The following GRIN2B variants were observed in gnomAD, a reference collection of about 807,000 sequenced individuals.
GRIN2B encodes glutamate ionotropic receptor NMDA type subunit 2B, also known as glutamate receptor ionotropic, NMDA 2B.
Under a neutral mutation model 114.5 loss-of-function variants are expected in GRIN2B, and 5 were observed. The ratio of observed to expected loss-of-function variants is 0.04; its 90% confidence interval spans 0.02 to 0.09. The LOEUF (loss-of-function observed/expected upper bound fraction) is 0.09, where lower values mean the gene tolerates loss of function less well. Ranked by LOEUF, GRIN2B falls within the 10% of genes least tolerant of loss-of-function variation. The pLI is 1.00. For missense variants in GRIN2B, 1,108 were observed against 1,943.5 expected (o/e 0.57, Z 8.08); for synonymous variants, 787 against 745.1 (o/e 1.06, Z -0.92).
chr12:13,757,543 C>T (rs942841261), intron 3 of GRIN2B, among the ~76,000 whole-genome samples: 1 of 152,054 alleles, frequency 6.6e-6, no homozygotes, highest in Non-Finnish European at 1.5e-5. Flanking sequence ...CTATGCTTCC[C>T]CACTTACATT....
intron 2 of GRIN2B, among the ~76,000 whole-genome samples, chr12:13,873,478 T>C (rs1200339591): frequency 1.3e-5 from 2 of 152,230 alleles, no homozygotes; most frequent in African/African-American, 4.8e-5. Context: ...TCCAAGTCTG[T>C]AGAAATAACA....
intron 3 of GRIN2B, among the ~76,000 whole-genome samples, chr12:13,782,475 C>T (rs1591727478): frequency 6.6e-6 from 1 of 152,278 alleles, no homozygotes; most frequent in East Asian, 1.9e-4. Context: ...TACTTTTGCT[C>T]TTCTCAAGGG....
At chr12:13,605,493 T>C (rs1208658991) in intron 10 of GRIN2B, among the ~76,000 whole-genome samples, 1 of 147,896 alleles carries the variant, frequency 6.8e-6, no homozygotes, top group African/African-American at 2.6e-5. Flanking sequence ...GGGGTCACAG[T>C]GGAAATTATT....
At chr12:13,703,570 C>A (rs995688070) in intron 4 of GRIN2B, among the ~76,000 whole-genome samples, 8 of 152,070 alleles carry the variant, frequency 5.3e-5, no homozygotes, top group African/African-American at 1.9e-4. Flanking sequence ...TCATTCAATA[C>A]TTTAATCTCT....
intron 3 of GRIN2B, among the ~76,000 whole-genome samples, chr12:13,759,452 C>T (rs1405031344): frequency 6.6e-6 from 1 of 152,180 alleles, no homozygotes; most frequent in African/African-American, 2.4e-5. Flanking sequence ...GCTATAGTCA[C>T]TTATTTACAT....
intron 3 of GRIN2B, among the ~76,000 whole-genome samples, chr12:13,819,124 T>C (rs1291734969): frequency 3.3e-5 from 5 of 152,150 alleles, no homozygotes; most frequent in African/African-American, 7.2e-5. Flanking sequence ...CAAGTGTCTT[T>C]ATAAAAAGAG....
At chr12:13,735,962 T>G in intron 4 of GRIN2B, among the ~76,000 whole-genome samples, 1 of 151,654 alleles carries the variant, frequency 6.6e-6, no homozygotes, top group Non-Finnish European at 1.5e-5. Context: ...CTGACAGACA[T>G]AGCATGTGTG....
At chr12:13,610,923 G>A (rs145079435) in intron 9 of GRIN2B, among the ~76,000 whole-genome samples, 2 of 152,314 alleles carry the variant, frequency 1.3e-5, no homozygotes, top group East Asian at 3.9e-4. Flanking sequence ...CCTCTTGGAG[G>A]TTTAATTCTA....
At chr12:13,788,081 A>T (rs1864248942) in intron 3 of GRIN2B, among the ~76,000 whole-genome samples, 2 of 152,344 alleles carry the variant, frequency 1.3e-5, no homozygotes, top group South Asian at 4.1e-4. Flanking sequence ...AAGAGGAAGG[A>T]AGGATAAAAT....
chr12:13,645,919 G>T (rs1469875644), intron 5 of GRIN2B, among the ~76,000 whole-genome samples: 1 of 152,040 alleles, frequency 6.6e-6, no homozygotes, highest in East Asian at 1.9e-4. Flanking sequence ...GTGGAATCTG[G>T]GGAAGAGTAA....
intron 3 of GRIN2B, among the ~76,000 whole-genome samples, chr12:13,833,770 G>A (rs1266703277): frequency 2.0e-5 from 3 of 152,094 alleles, no homozygotes; most frequent in Non-Finnish European, 4.4e-5. Flanking sequence ...AGGCCCCAGA[G>A]CATAAGGGAC....
chr12:13,806,939 A>G (rs887718111), intron 3 of GRIN2B, among the ~76,000 whole-genome samples: 3 of 152,022 alleles, frequency 2.0e-5, no homozygotes, highest in African/African-American at 7.2e-5. Context: ...TTCTAATTTG[A>G]GTAATATAGT....
intron 3 of GRIN2B, among the ~76,000 whole-genome samples, chr12:13,759,279 G>C (rs536303999): frequency 1.3e-5 from 2 of 151,958 alleles, no homozygotes; most frequent in South Asian, 4.2e-4. Flanking sequence ...AAAGTGCTGC[G>C]ATTACAGGCA....
rs534152421 is a variant in GRIN2B, at chr12:13,561,925, C to T, written c.*858G>A. On this transcript the variant is annotated 3_prime_UTR_variant, in exon 14 of 14. Transcript: ENST00000609686. ...AAATTCAGGTAATACATGGCCATCT[C>T]TGTCTGTATATAAGCCAAACAATCA... 17 of 152,768 alleles carry T rather than the reference C, an allele frequency of 1.1e-4. No individual in the cohort carries two copies. The highest frequency in any genetic ancestry group is 3.8e-4 in the African/African-American group (16 of 41,578). 9.5% of individuals were successfully genotyped at this position (152,768 alleles called of 1,614,324 possible).
At chr12:13,955,620 T>G (rs1294861281) in intron 2 of GRIN2B, among the ~76,000 whole-genome samples, 1 of 152,082 alleles carries the variant, frequency 6.6e-6, no homozygotes, top group Non-Finnish European at 1.5e-5. Flanking sequence ...TCCAAATAAT[T>G]TTGAGATGAA....
At chr12:13,807,715 T>A (rs1192605098) in intron 3 of GRIN2B, among the ~76,000 whole-genome samples, 1 of 45,440 alleles carries the variant, frequency 2.2e-5, no homozygotes, top group East Asian at 6.1e-4. Flanking sequence ...AAGGCTTTTT[T>A]TTTTTTTTTT....
chr12:13,814,982 T>C (rs1324322344), intron 3 of GRIN2B, among the ~76,000 whole-genome samples: 2 of 152,202 alleles, frequency 1.3e-5, no homozygotes, highest in Non-Finnish European at 2.9e-5. Context: ...TAAACGTTGA[T>C]CTCATTTTTC....
intron 2 of GRIN2B, among the ~76,000 whole-genome samples, chr12:13,884,281 T>C (rs906667620): frequency 2.0e-5 from 3 of 152,186 alleles, no homozygotes; most frequent in African/African-American, 7.2e-5. Flanking sequence ...TACTGGGAGT[T>C]TGACTGTGTT....
At chr12:13,694,759 A>G (rs950309753) in intron 4 of GRIN2B, among the ~76,000 whole-genome samples, 5 of 145,190 alleles carry the variant, frequency 3.4e-5, no homozygotes, top group African/African-American at 7.7e-5. Context: ...TTAATCCTCA[A>G]ACAGGCACCA....
Sources: gnomAD v4.1 joint callset for allele counts (sites outside exome capture counted in the v4.1 genomes callset) on GRCh38, gnomAD v4.1.1 for gene constraint, MANE v1.5 for transcripts, NCBI Gene and HGNC (gene_info 2026-07-23, HGNC 2026-07-21) for gene names.